POLR3B: variants seen among roughly 807,000 people sequenced by gnomAD.
The protein encoded by POLR3B is RNA polymerase III subunit B, also known as DNA-directed RNA polymerase III subunit RPC2.
POLR3B carries 96 observed loss-of-function variants against 147.4 expected under a neutral mutation model. The observed-to-expected ratio is 0.65, with a 90% CI of 0.55 to 0.77. POLR3B has a LOEUF of 0.77. Among genes scored for constraint, POLR3B ranks in the 30% least tolerant of loss-of-function variants. The probability of loss-of-function intolerance (pLI) is 0.00; values close to 1 mark genes in which losing one functional copy is unlikely to be tolerated. For missense variants in POLR3B, 1,036 were observed against 1,413.5 expected (o/e 0.73, Z 4.28); for synonymous variants, 461 against 485.9 (o/e 0.95, Z 0.67).
At chr12:106,457,385 G>GA (rs2037878912) in intron 21 of POLR3B, 89 bp downstream of exon 21, 1 of 1,076,356 alleles carries the variant, frequency 9.3e-7, no homozygotes, top group Non-Finnish European at 1.4e-6. Flanking sequence ...AAAAAGGGCA[G>GA]AAAAAAGTAA....
intron 23 of POLR3B, 181 bp from the exon 24 acceptor site, chr12:106,495,874 G>GTGT: frequency 1.4e-6 from 1 of 701,070 alleles, no homozygotes; most frequent in Non-Finnish European, 2.6e-6. Flanking sequence ...AAGGAGAGTC[G>GTGT]TTTTTGAACT....
intron 23 of POLR3B, among the ~76,000 whole-genome samples, chr12:106,474,867 C>A (rs1411818712): frequency 6.6e-6 from 1 of 151,842 alleles, no homozygotes; most frequent in East Asian, 1.9e-4. Flanking sequence ...CTATTTCTTT[C>A]AGTTCTGCTC....
intron 11 of POLR3B, among the ~76,000 whole-genome samples, chr12:106,408,797 C>T (rs1235258005): frequency 6.6e-6 from 1 of 152,114 alleles, no homozygotes; most frequent in Non-Finnish European, 1.5e-5. Flanking sequence ...TGAGAAGATC[C>T]CCACTCACCA....
At chr12:106,468,245 G>A (rs1367921193) in intron 23 of POLR3B, among the ~76,000 whole-genome samples, 1 of 152,186 alleles carries the variant, frequency 6.6e-6, no homozygotes, top group Non-Finnish European at 1.5e-5. Context: ...ACATAGAGGT[G>A]TTTATAATAT....
intron 19 of POLR3B, among the ~76,000 whole-genome samples, chr12:106,445,479 G>C (rs1565898808): frequency 6.6e-6 from 1 of 152,124 alleles, no homozygotes; most frequent in Non-Finnish European, 1.5e-5. Context: ...CAGTACTTTA[G>C]TGTGGCTGCC....
intron 23 of POLR3B, among the ~76,000 whole-genome samples, chr12:106,468,059 T>C (rs1402125438): frequency 1.3e-5 from 2 of 152,238 alleles, no homozygotes; most frequent in Non-Finnish European, 2.9e-5. Flanking sequence ...CTGGTAGAAT[T>C]TGGCTGTGAA....
intron 12 of POLR3B, among the ~76,000 whole-genome samples, chr12:106,423,958 G>A (rs1030734233): frequency 2.4e-4 from 36 of 151,854 alleles, no homozygotes; most frequent in African/African-American, 8.2e-4. Context: ...CCGGGTTCAA[G>A]TGATTCTCCT....
At chr12:106,364,438 C>T (rs1327219581) in intron 2 of POLR3B, among the ~76,000 whole-genome samples, 6 of 152,182 alleles carry the variant, frequency 3.9e-5, no homozygotes, top group Admixed American at 3.9e-4. Context: ...GCTAGGATAG[C>T]TATAATCAAA....
chr12:106,449,687 A>G (rs1482287227), intron 19 of POLR3B, among the ~76,000 whole-genome samples: 1 of 152,174 alleles, frequency 6.6e-6, no homozygotes, highest in Admixed American at 6.6e-5. Flanking sequence ...TCATCTTCAC[A>G]CTGAGTAGGC....
chr12:106,465,175 T>C (rs1028083253), intron 23 of POLR3B, among the ~76,000 whole-genome samples: 12 of 152,226 alleles, frequency 7.9e-5, no homozygotes, highest in African/African-American at 2.9e-4. Context: ...AATTATGGGG[T>C]AACCTTAACC....
intron 4 of POLR3B, 58 bp from the exon 5 acceptor site, chr12:106,369,217 G>T: frequency 1.1e-6 from 1 of 898,302 alleles, no homozygotes; most frequent in Non-Finnish European, 1.9e-6. Flanking sequence ...AAAATAGCTT[G>T]TTTGCTTTTA....
chr12:106,367,513 T>C (rs2036551320), intron 4 of POLR3B, among the ~76,000 whole-genome samples: 1 of 152,226 alleles, frequency 6.6e-6, no homozygotes, highest in Non-Finnish European at 1.5e-5. Context: ...TCCTCAATCT[T>C]TCTTGGTCTT....
chr12:106,466,823 G>A (rs891232801), intron 23 of POLR3B, among the ~76,000 whole-genome samples: 3 of 152,084 alleles, frequency 2.0e-5, no homozygotes, highest in Non-Finnish European at 4.4e-5. Flanking sequence ...ATCTGTTTTG[G>A]TACCAGTACC....
intron 10 of POLR3B, among the ~76,000 whole-genome samples, chr12:106,393,957 A>G (rs2036949579): frequency 6.6e-6 from 1 of 152,168 alleles, no homozygotes; most frequent in South Asian, 2.1e-4. Context: ...GGAATTCCCC[A>G]CTATAGAATC....
chr12:106,360,206 C>A (rs4964175), intron 1 of POLR3B, among the ~76,000 whole-genome samples: 1 of 152,066 alleles, frequency 6.6e-6, no homozygotes. Flanking sequence ...CAGAGCTGTC[C>A]GTTTAAACAC....
chr12:106,373,744 A>G (rs949825239), intron 6 of POLR3B, among the ~76,000 whole-genome samples: 11 of 151,144 alleles, frequency 7.3e-5, no homozygotes, highest in Admixed American at 6.0e-4. Context: ...ACAGAGCGAG[A>G]CTCCATCTCA....
chr12:106,390,275 G>GT (rs34269741), intron 9 of POLR3B, among the ~76,000 whole-genome samples: 87,846 of 143,864 alleles, frequency 0.61, 27,239 homozygotes, highest in East Asian at 0.77. Context: ...TCCCCCCCCA[G>GT]TTTTTTTTTA....
chr12:106,450,176 C>T (rs76344349), intron 19 of POLR3B, among the ~76,000 whole-genome samples: 2,587 of 152,078 alleles, frequency 0.017, 43 homozygotes, highest in South Asian at 0.069. Context: ...TATCTGTATA[C>T]TTATATGGAA....
chr12:106,488,288 A>G (rs1470328723), intron 23 of POLR3B, among the ~76,000 whole-genome samples: 1 of 152,200 alleles, frequency 6.6e-6, no homozygotes, highest in Non-Finnish European at 1.5e-5. Context: ...CATCCCCCCA[A>G]AAGAGCTGGA....
Sources: allele counts gnomAD v4.1 joint callset (sites outside exome capture counted in the v4.1 genomes callset), GRCh38; gene constraint gnomAD v4.1.1; transcripts MANE v1.5; gene names NCBI Gene and HGNC (gene_info 2026-07-23, HGNC 2026-07-21).